RIMS2: variants seen among roughly 807,000 people sequenced by gnomAD.
RIMS2 encodes regulating synaptic membrane exocytosis 2, also known as regulating synaptic membrane exocytosis protein 2.
Under a neutral mutation model 174.4 loss-of-function variants are expected in RIMS2, and 59 were observed. That is an observed-to-expected ratio of 0.34 (90% CI 0.27 to 0.42). The LOEUF (loss-of-function observed/expected upper bound fraction) is 0.42. RIMS2 is among the 10% of genes least tolerant of loss of function. The pLI is 1.00. For missense variants in RIMS2, 1,620 were observed against 1,666.3 expected, an observed-to-expected ratio of 0.97 and a Z score of 0.48; for synonymous variants, 606 against 572.5, an observed-to-expected ratio of 1.06 and a Z score of -0.84.
chr8:104,137,868 CTAGA>C (rs2098534004), intron 19 of RIMS2, among the ~76,000 whole-genome samples: 2 of 152,114 alleles, frequency 1.3e-5, no homozygotes, highest in African/African-American at 4.8e-5. Flanking sequence ...CTTTCAAATA[CTAGA>C]TATTGTTCAT....
intron 19 of RIMS2, among the ~76,000 whole-genome samples, chr8:104,123,210 TTCAC>T (rs1315425981): frequency 6.6e-6 from 1 of 152,030 alleles, no homozygotes; most frequent in Non-Finnish European, 1.5e-5. Flanking sequence ...AATGCTAACT[TTCAC>T]TCAGTATGTG....
intron 1 of RIMS2, among the ~76,000 whole-genome samples, chr8:103,676,031 C>T (rs373163461): frequency 1.1e-3 from 160 of 152,138 alleles, no homozygotes; most frequent in African/African-American, 3.7e-3. Flanking sequence ...GCCTAAATAT[C>T]CTATCACCAT....
chr8:103,522,746 T>A (rs930455167), intron 1 of RIMS2, among the ~76,000 whole-genome samples: 3 of 152,200 alleles, frequency 2.0e-5, no homozygotes, highest in Non-Finnish European at 4.4e-5. Flanking sequence ...AATTTCTGAA[T>A]GGCTAATAAG....
At chr8:103,612,058 C>T (rs1268509196) in intron 1 of RIMS2, among the ~76,000 whole-genome samples, 1 of 152,050 alleles carries the variant, frequency 6.6e-6, no homozygotes, top group Non-Finnish European at 1.5e-5. Flanking sequence ...ATCAGTTCTG[C>T]TACTGAGAGA....
At chr8:103,580,468 T>C (rs1419054775) in intron 1 of RIMS2, among the ~76,000 whole-genome samples, 4 of 150,412 alleles carry the variant, frequency 2.7e-5, no homozygotes. Context: ...TGTGTGTGTG[T>C]GTAAAATGAT....
At chr8:103,771,937 G>A (rs1404810614) in intron 3 of RIMS2, among the ~76,000 whole-genome samples, 2 of 151,832 alleles carry the variant, frequency 1.3e-5, no homozygotes, top group Non-Finnish European at 2.9e-5. Context: ...AATACCAAGG[G>A]TAATAAAAAT....
chr8:103,630,009 A>G (rs2095873695), intron 1 of RIMS2, among the ~76,000 whole-genome samples: 1 of 152,076 alleles, frequency 6.6e-6, no homozygotes, highest in Admixed American at 6.6e-5. Context: ...ATTTTAAGAA[A>G]TATGAGCAAA....
intron 2 of RIMS2, among the ~76,000 whole-genome samples, chr8:103,719,233 A>G (rs6468885): frequency 0.18 from 26,769 of 152,174 alleles, 2,566 homozygotes; most frequent in African/African-American, 0.23. Context: ...TGACATTGTC[A>G]AGCCACTGAT....
chr8:103,858,276 T>G (rs2099038881), intron 3 of RIMS2, among the ~76,000 whole-genome samples: 1 of 152,194 alleles, frequency 6.6e-6, no homozygotes, highest in Non-Finnish European at 1.5e-5. Flanking sequence ...GAATACTGTT[T>G]TAACATTTAA....
intron 19 of RIMS2, among the ~76,000 whole-genome samples, chr8:104,208,995 C>G (rs529840016): frequency 5.9e-5 from 9 of 152,304 alleles, no homozygotes; most frequent in Non-Finnish European, 1.2e-4. Flanking sequence ...CATAAAACTA[C>G]TACAGAGGCA....
At chr8:103,591,621 T>A (rs984853973) in intron 1 of RIMS2, among the ~76,000 whole-genome samples, 1 of 151,232 alleles carries the variant, frequency 6.6e-6, no homozygotes. Flanking sequence ...CTTTTAAAAA[T>A]TTTTTCCATA....
In RIMS2 at chr8:103,548,317, G is replaced by A. The variant is rs543922124; in HGVS notation, c.176+47255G>A. Among the ~76,000 whole-genome samples, 6 of 152,250 alleles carry A rather than the reference G, an allele frequency of 3.9e-5. No homozygotes were observed. The South Asian group carries it at 1.2e-3, about 32-fold the overall frequency. The stretch of plus-strand genomic sequence containing the variant: ...GCACATCAAAAAGCTGATGTGCCAC[G>A]ATCAACTAGGCTTTATCTCTGGGAT... On this transcript the variant is annotated intron_variant, in intron 1 of 23. Transcript: ENST00000504942.
chr8:103,635,410 C>G (rs2096052946), intron 1 of RIMS2, among the ~76,000 whole-genome samples: 1 of 152,106 alleles, frequency 6.6e-6, no homozygotes, highest in South Asian at 2.1e-4. Flanking sequence ...CCTGGATGAC[C>G]CACCCAGTGA....
intron 1 of RIMS2, among the ~76,000 whole-genome samples, chr8:103,671,249 T>G (rs971351563): frequency 1.3e-5 from 2 of 152,062 alleles, no homozygotes; most frequent in African/African-American, 4.8e-5. Context: ...AACGTGGGAA[T>G]TATGGGAGCT....
intron 19 of RIMS2, among the ~76,000 whole-genome samples, chr8:104,194,109 C>G (rs145464299): frequency 6.6e-6 from 1 of 152,024 alleles, no homozygotes; most frequent in South Asian, 2.1e-4. Flanking sequence ...GAGTACTTTC[C>G]CATGGCAAAT....
At chr8:104,244,958 C>G in exon 20 of RIMS2, 1 of 1,613,790 alleles carries the variant, frequency 6.2e-7, no homozygotes, top group East Asian at 2.2e-5. Flanking sequence ...CAAAGAAGTA[C>G]AGAAACAGGC....
At chr8:103,942,811 G>A in exon 14 of RIMS2, 1 of 1,612,608 alleles carries the variant, frequency 6.2e-7, no homozygotes, top group East Asian at 2.2e-5. Flanking sequence ...TAGATGATGA[G>A]CCACATTGGT....
At chr8:104,010,530 A>G (rs1169812834) in intron 17 of RIMS2, among the ~76,000 whole-genome samples, 2 of 152,168 alleles carry the variant, frequency 1.3e-5, no homozygotes, top group Non-Finnish European at 2.9e-5. Flanking sequence ...TTGTTAGTCA[A>G]TGTAAATTAG....
intron 19 of RIMS2, among the ~76,000 whole-genome samples, chr8:104,128,594 GGCT>G (rs1403875416): frequency 6.6e-6 from 1 of 152,150 alleles, no homozygotes; most frequent in Non-Finnish European, 1.5e-5. Flanking sequence ...CTACTAGGGA[GGCT>G]GAGGCAGGAG....
Sources: allele counts gnomAD v4.1 joint callset (sites outside exome capture counted in the v4.1 genomes callset), GRCh38; gene constraint gnomAD v4.1.1; transcripts MANE v1.5; gene names NCBI Gene and HGNC (gene_info 2026-07-23, HGNC 2026-07-21).